RPUSD1: variants seen among roughly 807,000 people sequenced by gnomAD.
The protein encoded by RPUSD1 is pseudouridylate synthase RPUSD1.
A neutral mutation model predicts 22.4 loss-of-function variants in RPUSD1; 28 were observed. The ratio of observed to expected loss-of-function variants is 1.25; its 90% CI spans 0.93 to 1.72. RPUSD1 has a LOEUF of 1.72. RPUSD1 is among the 40% of genes most tolerant of loss of function. The probability of loss-of-function intolerance (pLI) is 0.00; values close to 1 mark genes in which losing one functional copy is unlikely to be tolerated. For missense variants in RPUSD1, 596 were observed against 442.2 expected, an observed-to-expected ratio of 1.35 and a Z score of -3.12; for synonymous variants, 298 against 201.0, an observed-to-expected ratio of 1.48 and a Z score of -4.08.
intron 1 of RPUSD1, 167 bp downstream of exon 1, chr16:788,089 C>A: frequency 2.1e-6 from 1 of 486,540 alleles, no homozygotes; most frequent in South Asian, 1.7e-5. Context: ...CGGGGAGGGG[C>A]TGCAGCACTA....
Position 787,722 on chromosome 16 carries a change from C to G in RPUSD1, c.16G>C (p.Val6Leu), listed in dbSNP as rs762060322. Residue 6 changes from valine (V) to leucine (L), a missense_variant, in exon 2 of 6, where the codon GTG becomes CTG. Transcript: ENST00000007264. ...CGGTACACGATGGACAGGTTCTCCA[C>G]GCTGCCTGGCTCCATGGCCGGCCTG... MEPGSVENLSIVYRSR... is the reference protein window; with the variant it reads MEPGSLENLSIVYRSR... 1.3e-5 allele frequency: 21 copies of G among 1,610,498 alleles called. No homozygotes were observed. In the South Asian group the frequency reaches 2.3e-4, roughly 18 times the overall value.
At position 786,303 on chromosome 16, in the gene RPUSD1, C is replaced by T. The variant is rs1203967640; in HGVS notation, c.586G>A (p.Val196Ile). The change falls in exon 6 of 6, where the codon GTC (valine) becomes ATC (isoleucine). Residue 196 changes from valine to isoleucine, a missense_variant. Val to Ile is a conservative substitution (Grantham distance 29, BLOSUM62 3). Coordinates refer to ENST00000007264, the MANE Select transcript of RPUSD1 (RefSeq NM_058192.3). ...AACGGCCGGTCCTCCCGGCCCGAGA[C>T]TTCTCCGTAGGTCAGGTCGCCCACC... ...PVVGDLTYGE[V>I]SGREDRPFRM... 3 of 1,612,618 alleles carry T rather than the reference C, an allele frequency of 1.9e-6. No homozygotes were observed. The highest frequency in any genetic ancestry group is 2.2e-5 in the South Asian group (2 of 91,094).
chr16:787,793 C>T, intron 1 of RPUSD1, 49 bp from the exon 2 acceptor site: 1 of 1,578,634 alleles, frequency 6.3e-7, no homozygotes, highest in Admixed American at 1.7e-5. Context: ...TGGTGCGCCC[C>T]CAGCCCAGCA....
In RPUSD1 at chr16:787,370, T is replaced by C; in HGVS notation, c.290A>G (p.Lys97Arg). 6.3e-7 allele frequency: 1 copy of C among 1,586,822 alleles called. No homozygotes were observed. Among genetic ancestry groups the C allele is most frequent in the Non-Finnish European group, 8.6e-7 (1 of 1,167,250 alleles). Residue 97 changes from lysine to arginine, a missense_variant, in exon 3 of 6, where the codon AAG (lysine) becomes AGG (arginine). Physicochemically the swap from Lys to Arg is conservative, Grantham distance 26. Coordinates refer to ENST00000007264, the MANE Select transcript of RPUSD1 (RefSeq NM_058192.3). ...AGGTCTTACCAATGCCAGGTAAGCCTTGGTCACGCGCCGCTCCTTGAAGCA... is the reference window on the plus strand; with the variant it reads ...AGGTCTTACCAATGCCAGGTAAGCCCTGGTCACGCGCCGCTCCTTGAAGCA... ...YRCFKERRVT[K>R]AYLALLRGHI...
rs2041868497 is a variant in RPUSD1, at chr16:785,435, CA to C, written c.*514del. The C allele has an allele frequency of 1.3e-5, 2 of 154,192 alleles. No homozygotes were observed. The highest frequency in any genetic ancestry group is 4.1e-4 in the South Asian group (2 of 4,878). The allele number at this position is 154,192 out of a possible 1,614,324, so 9.6% of individuals were successfully genotyped here. On this transcript the variant is annotated 3_prime_UTR_variant, in exon 6 of 6. Transcript: ENST00000007264. ...AGGATCTGCACAGAGCAGTGAGGGG[CA>C]GAGGACGCAGGGACCAGATGGGTCT...
At position 787,326 on chromosome 16, in the gene RPUSD1, CCCCACCCCAGGACTGA is replaced by C; in HGVS notation, c.306+12_306+27del. The C allele has an allele frequency of 6.4e-7, 1 of 1,564,874 alleles. No individual in the cohort carries two copies. On this transcript the variant is annotated intron_variant, in intron 3 of 5. Coordinates refer to ENST00000007264, the MANE Select transcript of RPUSD1 (RefSeq NM_058192.3). Reference sequence around the variant, plus strand: ...GGGGTGGGAATCCTGAGTCCCCACGCCCCACCCCAGGACTGACCAGGTCTTACCAATGCCAGGTAAG... The same window carrying C: ...GGGGTGGGAATCCTGAGTCCCCACGCCCAGGTCTTACCAATGCCAGGTAAG...
At chr16:788,197 TG>T in intron 1 of RPUSD1, 58 bp downstream of exon 1, 1 of 405,004 alleles carries the variant, frequency 2.5e-6, no homozygotes, top group South Asian at 1.7e-5. Context: ...ACAGGCCCGG[TG>T]GGCAGGCCGA....
Position 787,143 on chromosome 16 carries a change from T to C in RPUSD1, c.343A>G (p.Ser115Gly). ...GHIQESRVTI[S>G]HAIGRNSTEG... ...GTGCTGTTCCTGCCAATGGCATGGC[T>C]GATGGTTACCCGGCTCTCCTGGATG... The change falls in exon 4 of 6, where the codon AGC (serine) becomes GGC (glycine). Residue 115 changes from serine (S) to glycine (G), a missense_variant. Ser to Gly is a moderately conservative substitution (Grantham distance 56). Coordinates refer to ENST00000007264, the MANE Select transcript of RPUSD1 (RefSeq NM_058192.3). 6.2e-7 allele frequency: 1 copy of C among 1,608,226 alleles called. No individual in the cohort carries two copies. Among genetic ancestry groups the C allele is most frequent in the Non-Finnish European group, 8.5e-7 (1 of 1,179,592 alleles).
chr16:786,443 C>G (rs1039082231), intron 5 of RPUSD1, 66 bp from the exon 6 acceptor site: 1 of 1,497,432 alleles, frequency 6.7e-7, no homozygotes, highest in Admixed American at 1.8e-5. Flanking sequence ...TCTCCCTGAC[C>G]AGGACCCACC....
In RPUSD1 at chr16:787,740, C is replaced by G. The variant is rs1184691042; in HGVS notation, c.-3G>C. 6.2e-7 allele frequency: 1 copy of G among 1,606,980 alleles called. No homozygotes were observed. The highest frequency in any genetic ancestry group is 1.3e-5 in the African/African-American group (1 of 74,930). On this transcript the variant is annotated 5_prime_UTR_variant, in exon 2 of 6. Transcript: ENST00000007264. ...TTCTCCACGCTGCCTGGCTCCATGG[C>G]CGGCCTGCCGAGCCACGCGTGGGTG...
Position 785,579 on chromosome 16 carries a change from T to A in RPUSD1, c.*371A>T. The A allele has an allele frequency of 4.8e-6, 1 of 207,620 alleles. No homozygotes were observed. 12.9% of individuals were successfully genotyped at this position (207,620 alleles called of 1,614,324 possible). A position where few individuals can be genotyped will look rare whatever the true frequency, so the allele number is the denominator to read the frequency against. On this transcript the variant is annotated 3_prime_UTR_variant, in exon 6 of 6. Transcript: ENST00000007264. ...TGGAGGCAAAGCCTATCCCAAAACC[T>A]GGCCCTGCCTCTTCCTGAGGTGACC...
Position 787,713 on chromosome 16 carries a change from G to T in RPUSD1, c.25C>A (p.Leu9Met). The T allele has an allele frequency of 6.2e-7, 1 of 1,611,292 alleles. No homozygotes were observed. The change falls in exon 2 of 6, where the codon CTG becomes ATG. Residue 9 changes from leucine (L) to methionine (M), a missense_variant. Physicochemically the swap from Leu to Met is conservative, Grantham distance 15. Coordinates refer to ENST00000007264, the MANE Select transcript of RPUSD1 (RefSeq NM_058192.3). ...TCGCGGCTCCGGTACACGATGGACA[G>T]GTTCTCCACGCTGCCTGGCTCCATG... MEPGSVEN[L>M]SIVYRSRDFL...
chr16:787,301 G>C (rs556456261), intron 3 of RPUSD1, 53 bp downstream of exon 3: 11 of 1,551,866 alleles, frequency 7.1e-6, no homozygotes, highest in Middle Eastern at 2.1e-4. Context: ...CTGCCCAAGT[G>C]GGGTGGGAAT....
At chr16:786,703 A>G in intron 5 of RPUSD1, 124 bp downstream of exon 5, 1 of 852,728 alleles carries the variant, frequency 1.2e-6, no homozygotes, top group Non-Finnish European at 2.0e-6. Context: ...CGTGGAGTTA[A>G]GAACGCAGGA....
In RPUSD1 at chr16:786,988, C is replaced by A. The variant is rs566823374; in HGVS notation, c.410-60G>T. 29 of 1,567,340 alleles carry A rather than the reference C, an allele frequency of 1.9e-5. No individual in the cohort carries two copies. In the South Asian group the frequency reaches 3.0e-4, roughly 16 times the overall value. On this transcript the variant is annotated intron_variant, in intron 4 of 5. Transcript: ENST00000007264. ...ACTGACCCGGGGCCCAGGCCCACCC[C>A]AACGCACGATGCCCGCCCGGTGGGT...
rs1342484588 is a variant in RPUSD1 at position 785,632 on chromosome 16, G to A, written c.*318C>T. 10 of 322,336 alleles carry A rather than the reference G, an allele frequency of 3.1e-5. No individual in the cohort carries two copies. Among genetic ancestry groups the A allele is most frequent in the South Asian group, 2.8e-4 (2 of 7,038 alleles). The allele number at this position is 322,336 out of a possible 1,614,324, so 20.0% of individuals were successfully genotyped here. ...GAGTCCGTAAAACTGACGCCCCTGGGGTGACGCTTGAGAGCCGGAAGCTGT... is the reference window on the plus strand; with the variant it reads ...GAGTCCGTAAAACTGACGCCCCTGGAGTGACGCTTGAGAGCCGGAAGCTGT... On this transcript the variant is annotated 3_prime_UTR_variant, in exon 6 of 6. Transcript: ENST00000007264.
At position 785,864 on chromosome 16, in the gene RPUSD1, C is replaced by G; in HGVS notation, c.*86G>C. On this transcript the variant is annotated 3_prime_UTR_variant, in exon 6 of 6. Coordinates refer to ENST00000007264, the MANE Select transcript of RPUSD1 (RefSeq NM_058192.3). ...TGATGCTGCCTGGCACCTCGAGGCCCCAGAGCCAGTGAGCAGACGCTCGCT... is the reference window on the plus strand; with the variant it reads ...TGATGCTGCCTGGCACCTCGAGGCCGCAGAGCCAGTGAGCAGACGCTCGCT... 1 of 1,237,470 alleles carries G rather than the reference C, an allele frequency of 8.1e-7. No homozygotes were observed. The highest frequency in any genetic ancestry group is 1.1e-6 in the Non-Finnish European group (1 of 945,212). The allele number at this position is 1,237,470 out of a possible 1,614,324, so 76.7% of individuals were successfully genotyped here.
intron 5 of RPUSD1, 77 bp downstream of exon 5, chr16:786,750 G>A (rs926389825): frequency 3.4e-6 from 4 of 1,186,578 alleles, no homozygotes; most frequent in Non-Finnish European, 5.0e-6. Flanking sequence ...GCTCAGGGTG[G>A]CCCAACATAA....
chr16:787,176 G>C lies in RPUSD1; in HGVS notation c.310C>G (p.Arg104Gly), dbSNP rs144681546. Residue 104 changes from arginine to glycine, a missense_variant, in exon 4 of 6, where the codon CGG (arginine) becomes GGG (glycine). Physicochemically the swap from Arg to Gly is moderately radical, Grantham distance 125. Coordinates refer to ENST00000007264, the MANE Select transcript of RPUSD1 (RefSeq NM_058192.3). ...RVTKAYLALL[R>G]GHIQESRVTI... ...ACCCGGCTCTCCTGGATGTGCCCCC[G>C]CAGCTGCAGGAGAGGGAGAATCGCA... 6.2e-7 allele frequency: 1 copy of C among 1,602,092 alleles called. No individual in the cohort carries two copies. The highest frequency in any genetic ancestry group is 8.5e-7 in the Non-Finnish European group (1 of 1,177,872).
Sources: allele counts gnomAD v4.1 joint callset, GRCh38; gene constraint gnomAD v4.1.1; transcripts MANE v1.5; gene names NCBI Gene and HGNC (gene_info 2026-07-23, HGNC 2026-07-21).